Variants in ERICH6B observed in about 807,000 individuals in gnomAD.
The protein encoded by ERICH6B is glutamate rich 6B.
A neutral mutation model predicts 80.0 loss-of-function variants in ERICH6B; 69 were observed. That is an observed-to-expected ratio of 0.86 (90% CI 0.71 to 1.05). ERICH6B has a LOEUF of 1.05. ERICH6B is among the 50% of genes least tolerant of loss of function. The pLI is 0.00. For missense variants in ERICH6B, 754 were observed against 796.1 expected, an observed-to-expected ratio of 0.95 and a Z score of 0.64; for synonymous variants, 283 against 291.9, an observed-to-expected ratio of 0.97 and a Z score of 0.31.
At position 45,561,285 on chromosome 13, in the gene ERICH6B, C is replaced by A. The variant is rs1173385310; in HGVS notation, c.1407+84G>T. On this transcript the variant is annotated intron_variant, in intron 11 of 14. Transcript: ENST00000298738. ...TTACATTGTGTGTTGTTCCTTACAGCTCTCTGGTGGTGTATGCACACCTCA... is the reference window on the plus strand; with the variant it reads ...TTACATTGTGTGTTGTTCCTTACAGATCTCTGGTGGTGTATGCACACCTCA... 3.4e-5 allele frequency: 45 copies of A among 1,336,854 alleles called. No homozygotes were observed. In the East Asian group the frequency reaches 1.1e-3, roughly 33 times the overall value. 82.8% of individuals were successfully genotyped at this position (1,336,854 alleles called of 1,614,324 possible). A position where few individuals can be genotyped will look rare whatever the true frequency, so the allele number is the denominator to read the frequency against.
At chr13:45,585,471 A>G (rs1875861801) in intron 5 of ERICH6B, among the ~76,000 whole-genome samples, 1 of 152,196 alleles carries the variant, frequency 6.6e-6, no homozygotes, top group Admixed American at 6.5e-5. Context: ...GATAGATTGG[A>G]AACTACAGAC....
intron 14 of ERICH6B, among the ~76,000 whole-genome samples, chr13:45,543,640 G>A (rs1873874254): frequency 6.6e-6 from 1 of 152,220 alleles, no homozygotes; most frequent in African/African-American, 2.4e-5. Context: ...CTGGAGGATG[G>A]TGGCCCCATG....
At chr13:45,599,576 T>C (rs1451100444) in intron 2 of ERICH6B, among the ~76,000 whole-genome samples, 2 of 152,166 alleles carry the variant, frequency 1.3e-5, no homozygotes, top group African/African-American at 4.8e-5. Context: ...CAGGTTACTT[T>C]TTTTGGTAAG....
chr13:45,609,265 C>T (rs1295394046), intron 1 of ERICH6B, among the ~76,000 whole-genome samples: 2 of 152,230 alleles, frequency 1.3e-5, no homozygotes, highest in African/African-American at 4.8e-5. Context: ...CTCTCCTGCC[C>T]TTCTGGAAAT....
In ERICH6B at chr13:45,597,137, T is replaced by A. The variant is rs543692116; in HGVS notation, c.-58-74A>T. 2.8e-6 allele frequency: 3 copies of A among 1,066,212 alleles called. No individual in the cohort carries two copies. In the East Asian group the frequency reaches 7.8e-5, roughly 28 times the overall value. The allele number at this position is 1,066,212 out of a possible 1,614,324, so 66.0% of individuals were successfully genotyped here. The stretch of plus-strand genomic sequence containing the variant: ...CATATTGATTTAATTCCATTTTTGT[T>A]CACTTATTTCATTCAGTAGTCTTTG... On this transcript the variant is annotated intron_variant, in intron 2 of 14. Coordinates refer to ENST00000298738, the MANE Select transcript of ERICH6B (RefSeq NM_182542.3).
intron 1 of ERICH6B, 102 bp downstream of exon 1, chr13:45,615,583 T>G (rs933690921): frequency 6.6e-6 from 1 of 152,352 alleles, no homozygotes; most frequent in African/African-American, 2.4e-5. Context: ...CCCTGCTTTC[T>G]CCCTCAGAGA....
At chr13:45,576,128 C>T (rs750038623) in intron 7 of ERICH6B, among the ~76,000 whole-genome samples, 14 of 152,164 alleles carry the variant, frequency 9.2e-5, no homozygotes, top group Admixed American at 2.6e-4. Flanking sequence ...ATTTTGGCTC[C>T]GTAGCAAAAA....
intron 11 of ERICH6B, chr13:45,553,218 G>A (rs1874296188): frequency 9.2e-6 from 2 of 217,976 alleles, no homozygotes; most frequent in Non-Finnish European, 1.9e-5. Flanking sequence ...TCCAATCTTT[G>A]CTTGAATGTC....
intron 11 of ERICH6B, among the ~76,000 whole-genome samples, chr13:45,551,043 C>A (rs73185777): frequency 6.6e-6 from 1 of 152,270 alleles, no homozygotes; most frequent in Non-Finnish European, 1.5e-5. Flanking sequence ...TCAGTTTTTG[C>A]AAACTGTTTT....
At chr13:45,572,847 T>C (rs1190599958) in intron 8 of ERICH6B, among the ~76,000 whole-genome samples, 1 of 152,052 alleles carries the variant, frequency 6.6e-6, no homozygotes, top group East Asian at 1.9e-4. Flanking sequence ...TGTCCAATAA[T>C]TGTGAAAATG....
chr13:45,563,185 T>C (rs1053462174), intron 10 of ERICH6B, among the ~76,000 whole-genome samples: 6 of 152,262 alleles, frequency 3.9e-5, no homozygotes, highest in African/African-American at 1.4e-4. Context: ...TGTTTTCCAA[T>C]TTTTGCATTA....
rs1341518724 is a variant in ERICH6B, at chr13:45,587,188, A to G, written c.731T>C (p.Val244Ala). Residue 244 changes from valine (V) to alanine (A), a missense_variant, in exon 5 of 15, where the codon GTC (valine) becomes GCC (alanine). By Grantham distance (64) the Val-to-Ala change is moderately conservative. Transcript: ENST00000298738. ...AGAAGGGGTAGCGAAAGTCAACGGGACAGTCAAGAAGGTGGTCACCTGAGA... is the reference window on the plus strand; with the variant it reads ...AGAAGGGGTAGCGAAAGTCAACGGGGCAGTCAAGAAGGTGGTCACCTGAGA... ...GPSQVTTFLT[V>A]PLTFATPSPV... 1.3e-6 allele frequency: 2 copies of G among 1,551,672 alleles called. No homozygotes were observed. The highest frequency in any genetic ancestry group is 1.4e-5 in the African/African-American group (1 of 73,150).
At chr13:45,564,062 G>A (rs1355752455) in intron 9 of ERICH6B, among the ~76,000 whole-genome samples, 2 of 152,200 alleles carry the variant, frequency 1.3e-5, no homozygotes, top group East Asian at 1.9e-4. Flanking sequence ...TTCAACTAGG[G>A]TAATCTTGGG....
At chr13:45,543,785 G>C (rs543770721) in intron 14 of ERICH6B, among the ~76,000 whole-genome samples, 1 of 152,136 alleles carries the variant, frequency 6.6e-6, no homozygotes, top group Non-Finnish European at 1.5e-5. Context: ...TGCCTGCCTG[G>C]GGAGTGTGCC....
At chr13:45,606,547 A>ATATTT (rs1949866973) in intron 2 of ERICH6B, among the ~76,000 whole-genome samples, 12 of 16,596 alleles carry the variant, frequency 7.2e-4, no homozygotes, top group Admixed American at 1.4e-3. Context: ...ATATATATAT[A>ATATTT]TTTTTTTTTT....
At position 45,586,538 on chromosome 13, in the gene ERICH6B, G is replaced by C. The variant is rs181651419; in HGVS notation, c.856+525C>G. On this transcript the variant is annotated intron_variant, in intron 5 of 14. Transcript: ENST00000298738. Reference sequence around the variant, plus strand: ...GCCGGACTCTCTCCTGTGTGTCTTAGCTGTAGCCACGAAAGTTCACTACAT... The same window carrying C: ...GCCGGACTCTCTCCTGTGTGTCTTACCTGTAGCCACGAAAGTTCACTACAT... 1.3e-4 allele frequency among the ~76,000 whole-genome samples: 20 copies of C among 152,248 alleles called. No homozygotes were observed. The South Asian group carries it at 2.7e-3, about 21-fold the overall frequency.
chr13:45,607,876 G>A (rs1949877943), intron 1 of ERICH6B, among the ~76,000 whole-genome samples: 1 of 152,012 alleles, frequency 6.6e-6, no homozygotes, highest in Non-Finnish European at 1.5e-5. Context: ...ACCAATCTGT[G>A]CGCCAAGGCT....
intron 4 of ERICH6B, among the ~76,000 whole-genome samples, chr13:45,590,285 C>T (rs996711693): frequency 3.9e-5 from 6 of 151,916 alleles, no homozygotes; most frequent in Non-Finnish European, 1.5e-5. Flanking sequence ...TGAGCCTATT[C>T]TCTTCCGGGA....
intron 4 of ERICH6B, among the ~76,000 whole-genome samples, chr13:45,588,263 G>T (rs1440799232): frequency 6.6e-6 from 1 of 152,180 alleles, no homozygotes; most frequent in Non-Finnish European, 1.5e-5. Flanking sequence ...GGGTCTGTAG[G>T]AGTTTCAGGC....
Sources: gnomAD v4.1 joint callset for allele counts (sites outside exome capture counted in the v4.1 genomes callset) on GRCh38, gnomAD v4.1.1 for gene constraint, MANE v1.5 for transcripts, NCBI Gene and HGNC (gene_info 2026-07-23, HGNC 2026-07-21) for gene names.